Variants in NRG3 observed in about 807,000 individuals in gnomAD.
NRG3 encodes pro-neuregulin-3, membrane-bound isoform.
Under a neutral mutation model 66.9 loss-of-function variants are expected in NRG3, and 31 were observed. The observed-to-expected ratio is 0.46, with a 90% CI of 0.35 to 0.63. The LOEUF is 0.63. NRG3 is among the 20% of genes least tolerant of loss of function. NRG3 has a pLI of 0.00. For synonymous variants in NRG3, 393 were observed against 359.4 expected (o/e 1.09, Z -1.06); for missense variants, 910 against 878.9 (o/e 1.04, Z -0.45).
At chr10:82,119,854 G>C (rs1590185384) in intron 1 of NRG3, among the ~76,000 whole-genome samples, 1 of 151,992 alleles carries the variant, frequency 6.6e-6, no homozygotes, top group South Asian at 2.1e-4. Context: ...CTGAAAACAC[G>C]AGCACCTCTT....
chr10:82,697,237 A>G (rs1565212887), intron 2 of NRG3, among the ~76,000 whole-genome samples: 1 of 152,226 alleles, frequency 6.6e-6, no homozygotes, highest in Non-Finnish European at 1.5e-5. Context: ...CAATTTTAAC[A>G]TGATTGAAAT....
chr10:82,831,678 G>T lies in NRG3; in HGVS notation c.1028-33733G>T, dbSNP rs560632383. On this transcript the variant is annotated intron_variant, in intron 3 of 8. Coordinates refer to ENST00000372141, the MANE Select transcript of NRG3 (RefSeq NM_001010848.4). ...AAAATACAAAAATTAGCTTGGTGTG[G>T]TGGCAGGCACCTGTAATCCCAGTTA... 2.2e-3 allele frequency among the ~76,000 whole-genome samples: 330 copies of T among 152,246 alleles called. 1 individual carries two copies. Among genetic ancestry groups the T allele is most frequent in the Non-Finnish European group, 3.7e-3 (255 of 68,012 alleles).
chr10:82,024,201 C>G (rs975007821), intron 1 of NRG3, among the ~76,000 whole-genome samples: 68 of 151,976 alleles, frequency 4.5e-4, no homozygotes, highest in African/African-American at 1.5e-3. Flanking sequence ...TTTAGTATCT[C>G]CCCTTTTCCT....
intron 2 of NRG3, among the ~76,000 whole-genome samples, chr10:82,599,089 G>A (rs1393475594): frequency 1.3e-5 from 2 of 151,812 alleles, no homozygotes; most frequent in Non-Finnish European, 2.9e-5. Context: ...ATGAGAAGAA[G>A]AAAACTGAAG....
At chr10:82,122,201 A>AT (rs2068133432) in intron 1 of NRG3, among the ~76,000 whole-genome samples, 1 of 152,112 alleles carries the variant, frequency 6.6e-6, no homozygotes, top group Non-Finnish European at 1.5e-5. Context: ...ATAGTAACTG[A>AT]TTTTTTAATT....
At chr10:82,910,911 T>C (rs1845256272) in intron 4 of NRG3, among the ~76,000 whole-genome samples, 1 of 152,230 alleles carries the variant, frequency 6.6e-6, no homozygotes, top group African/African-American at 2.4e-5. Context: ...GACACAGTTG[T>C]GCGTGCATGG....
intron 2 of NRG3, among the ~76,000 whole-genome samples, chr10:82,677,996 G>C (rs765584044): frequency 6.6e-6 from 1 of 152,164 alleles, no homozygotes; most frequent in Non-Finnish European, 1.5e-5. Flanking sequence ...TTGTACACAT[G>C]CTCACTTGAG....
rs896733355 is a variant in NRG3, at chr10:82,035,009, T to C, written c.823+158846T>C. ...CTCTAAAGAACAGACTTAAAGTGAA[T>C]ATAGTTTACTCCGTGCTGTTCATGG... is the stretch of plus-strand genomic sequence containing the variant. On this transcript the variant is annotated intron_variant, in intron 1 of 8. Coordinates refer to ENST00000372141, the MANE Select transcript of NRG3 (RefSeq NM_001010848.4). Among the ~76,000 whole-genome samples the C allele has an allele frequency of 3.3e-5, 5 of 152,082 alleles. 1 individual carries two copies.
intron 2 of NRG3, among the ~76,000 whole-genome samples, chr10:82,664,373 G>A (rs1421605377): frequency 6.6e-6 from 1 of 152,072 alleles, no homozygotes; most frequent in African/African-American, 2.4e-5. Context: ...TGAAACATTT[G>A]AGACACACAC....
intron 1 of NRG3, among the ~76,000 whole-genome samples, chr10:82,247,519 T>C (rs1052989811): frequency 2.6e-5 from 4 of 152,002 alleles, no homozygotes; most frequent in African/African-American, 7.3e-5. Flanking sequence ...CTTTTGGGGG[T>C]TGGAATTTCA....
chr10:82,240,073 AG>A (rs1589435460), intron 1 of NRG3, among the ~76,000 whole-genome samples: 1 of 152,066 alleles, frequency 6.6e-6, no homozygotes, highest in East Asian at 1.9e-4. Flanking sequence ...GAGTCTGTAA[AG>A]GCACATTTCC....
Position 82,495,357 on chromosome 10 carries a change from A to G in NRG3, c.953+136489A>G, listed in dbSNP as rs73307852. ...TTATGCACTCTAGGATTTTTCATTG[A>G]GAAAAGACTAAGAATTGATTTTAAT... On this transcript the variant is annotated intron_variant, in intron 2 of 8. Coordinates refer to ENST00000372141, the MANE Select transcript of NRG3 (RefSeq NM_001010848.4). 4.4e-3 allele frequency among the ~76,000 whole-genome samples: 665 copies of G among 152,260 alleles called. 5 individuals carry two copies. The highest frequency in any genetic ancestry group is 0.015 in the African/African-American group (642 of 41,548).
chr10:82,584,061 G>A (rs536912247), intron 2 of NRG3, among the ~76,000 whole-genome samples: 4 of 152,046 alleles, frequency 2.6e-5, no homozygotes, highest in Non-Finnish European at 4.4e-5. Context: ...AGGCAAATAC[G>A]TTTTTGTTGT....
At chr10:82,509,758 GA>G (rs1416267774) in intron 2 of NRG3, among the ~76,000 whole-genome samples, 1 of 152,042 alleles carries the variant, frequency 6.6e-6, no homozygotes, top group East Asian at 1.9e-4. Context: ...GCATAATTAC[GA>G]CTGGTATTTT....
At chr10:82,794,047 A>G (rs1161679139) in intron 3 of NRG3, among the ~76,000 whole-genome samples, 4 of 152,118 alleles carry the variant, frequency 2.6e-5, no homozygotes, top group African/African-American at 7.2e-5. Flanking sequence ...TGTGAACAAC[A>G]CTTTCTATTT....
intron 1 of NRG3, among the ~76,000 whole-genome samples, chr10:82,340,518 A>G (rs747994448): frequency 6.6e-6 from 1 of 152,342 alleles, no homozygotes; most frequent in Middle Eastern, 3.4e-3. Flanking sequence ...TAAGAGCTAA[A>G]ACTATTAAGG....
chr10:82,300,236 C>T (rs1021716074), intron 1 of NRG3, among the ~76,000 whole-genome samples: 1 of 102,962 alleles, frequency 9.7e-6, no homozygotes, highest in Non-Finnish European at 1.7e-5. Context: ...CTGAATTTGT[C>T]TTATTATAGC....
intron 1 of NRG3, among the ~76,000 whole-genome samples, chr10:82,004,308 T>A (rs548961404): frequency 6.6e-6 from 1 of 152,288 alleles, no homozygotes; most frequent in East Asian, 1.9e-4. Context: ...TTTTAAAATT[T>A]GAAGGCCATC....
At chr10:82,306,996 AT>A (rs1208860629) in intron 1 of NRG3, among the ~76,000 whole-genome samples, 1 of 152,056 alleles carries the variant, frequency 6.6e-6, no homozygotes, top group African/African-American at 2.4e-5. Flanking sequence ...TACAAACTTA[AT>A]TTTTTAAATT....
Sources: allele counts gnomAD v4.1 joint callset (sites outside exome capture counted in the v4.1 genomes callset), GRCh38; gene constraint gnomAD v4.1.1; transcripts MANE v1.5; gene names NCBI Gene and HGNC (gene_info 2026-07-23, HGNC 2026-07-21).